Variants in ARB2A observed in about 807,000 individuals in gnomAD.
ARB2A encodes cotranscriptional regulator ARB2A.
chr5:93,908,521 A>T, the ARB2A span, among the ~76,000 whole-genome samples: 1 of 150,770 alleles, frequency 6.6e-6, no homozygotes, highest in East Asian at 1.9e-4. Flanking sequence ...TAATACAATG[A>T]AGTCTAATAC....
chr5:93,741,245 G>T, the ARB2A span: 4 of 1,613,924 alleles, frequency 2.5e-6, no homozygotes, highest in Non-Finnish European at 2.5e-6. Flanking sequence ...ATGCTCCGCA[G>T]GGCAATGTAG....
At chr5:93,817,308 C>T in the ARB2A span, among the ~76,000 whole-genome samples, 1 of 152,042 alleles carries the variant, frequency 6.6e-6, no homozygotes, top group South Asian at 2.1e-4. Flanking sequence ...ACACTGAAAA[C>T]AACAAAGCAT....
At chr5:94,059,305 C>T in the ARB2A span, among the ~76,000 whole-genome samples, 1 of 151,856 alleles carries the variant, frequency 6.6e-6, no homozygotes, top group South Asian at 2.1e-4. Flanking sequence ...ATCATAATTA[C>T]ATTTCTGAAA....
the ARB2A span, among the ~76,000 whole-genome samples, chr5:93,850,917 T>A: frequency 6.6e-5 from 10 of 152,208 alleles, no homozygotes; most frequent in African/African-American, 1.2e-4. Context: ...AGCAAATTTT[T>A]AAAATTAAAT....
the ARB2A span, chr5:94,074,845 A>C: frequency 1.1e-6 from 1 of 923,480 alleles, no homozygotes; most frequent in Non-Finnish European, 1.7e-6. Flanking sequence ...TGATCCTCCC[A>C]GTCAGGATTA....
At chr5:94,069,980 T>G in the ARB2A span, among the ~76,000 whole-genome samples, 2,166 of 152,256 alleles carry the variant, frequency 0.014, 54 homozygotes, top group African/African-American at 0.049. Context: ...AAAGGATAAT[T>G]GCATTGCATG....
the ARB2A span, among the ~76,000 whole-genome samples, chr5:93,823,664 C>A: frequency 8.5e-5 from 13 of 152,054 alleles, no homozygotes; most frequent in African/African-American, 3.1e-4. Context: ...AAGGAACAGG[C>A]AAAAAGCTTT....
chr5:93,837,125 C>T, the ARB2A span, among the ~76,000 whole-genome samples: 1 of 152,030 alleles, frequency 6.6e-6, no homozygotes, highest in Non-Finnish European at 1.5e-5. Context: ...AAATCCTCTC[C>T]CTCCTCCCAC....
chr5:93,860,673 G>C, the ARB2A span: 1 of 83,384 alleles, frequency 1.2e-5, no homozygotes, highest in East Asian at 4.1e-4. Flanking sequence ...TTTTTTGTTT[G>C]AGACAGAGTC....
chr5:93,664,999 G>C, the ARB2A span, among the ~76,000 whole-genome samples: 1 of 151,930 alleles, frequency 6.6e-6, no homozygotes, highest in African/African-American at 2.4e-5. Context: ...GCTAATTTTT[G>C]TATTTTTTGT....
chr5:93,846,606 C>G, the ARB2A span, among the ~76,000 whole-genome samples: 1 of 152,088 alleles, frequency 6.6e-6, no homozygotes, highest in South Asian at 2.1e-4. Context: ...TGGGCTACAT[C>G]ACAAAGGTGT....
the ARB2A span, chr5:93,738,167 G>T: frequency 5.6e-6 from 1 of 179,178 alleles, no homozygotes; most frequent in Non-Finnish European, 1.2e-5. Flanking sequence ...CTTTAAAGAA[G>T]ATACAAAATA....
chr5:93,689,964 C>CG, the ARB2A span, among the ~76,000 whole-genome samples: 1 of 152,096 alleles, frequency 6.6e-6, no homozygotes, highest in Non-Finnish European at 1.5e-5. Flanking sequence ...GAAGAACTCC[C>CG]TCCCCTAGCC....
At chr5:93,956,313 T>C in the ARB2A span, among the ~76,000 whole-genome samples, 1 of 152,294 alleles carries the variant, frequency 6.6e-6, no homozygotes, top group Admixed American at 6.5e-5. Context: ...TGTCCTCCTT[T>C]CAACTTAAGT....
At chr5:93,853,413 T>C in the ARB2A span, among the ~76,000 whole-genome samples, 2 of 152,184 alleles carry the variant, frequency 1.3e-5, no homozygotes, top group Admixed American at 6.5e-5. Flanking sequence ...ACACGGACAA[T>C]TTGACTTCCT....
the ARB2A span, among the ~76,000 whole-genome samples, chr5:93,665,785 C>T: frequency 5.4e-4 from 82 of 152,278 alleles, no homozygotes; most frequent in South Asian, 8.3e-4. Context: ...GAAACCTGCA[C>T]GTACTGAGCC....
chr5:94,058,101 T>C, the ARB2A span, among the ~76,000 whole-genome samples: 1 of 151,984 alleles, frequency 6.6e-6, no homozygotes, highest in Non-Finnish European at 1.5e-5. Context: ...GCTGCAAATA[T>C]GTATGCCTAT....
At chr5:93,728,773 A>C in the ARB2A span, among the ~76,000 whole-genome samples, 2 of 152,162 alleles carry the variant, frequency 1.3e-5, no homozygotes, top group Non-Finnish European at 2.9e-5. Flanking sequence ...TATAAAAACC[A>C]GTCACAGGAA....
chr5:94,055,461 A>G, the ARB2A span, among the ~76,000 whole-genome samples: 3 of 152,210 alleles, frequency 2.0e-5, no homozygotes, highest in Non-Finnish European at 4.4e-5. Context: ...ACACAAAAAC[A>G]AGCCATCAAA....
Sources: gnomAD v4.1 joint callset for allele counts (sites outside exome capture counted in the v4.1 genomes callset) on GRCh38, gnomAD v4.1.1 for gene constraint, MANE v1.5 for transcripts, NCBI Gene and HGNC (gene_info 2026-07-23, HGNC 2026-07-21) for gene names.